The following PHACTR4 variants were observed in gnomAD, a reference collection of about 807,000 sequenced individuals.
PHACTR4 encodes the protein phosphatase and actin regulator 4.
PHACTR4 carries 51 observed loss-of-function variants against 72.7 expected under a neutral mutation model. The ratio of observed to expected loss-of-function variants is 0.70; its 90% confidence interval spans 0.56 to 0.89. The LOEUF (loss-of-function observed/expected upper bound fraction) is 0.89, where lower values mean the gene tolerates loss of function less well. PHACTR4 is among the 40% of genes least tolerant of loss of function. PHACTR4 has a pLI of 0.00. For synonymous variants in PHACTR4, 255 were observed against 302.5 expected (o/e 0.84, Z 1.63); for missense variants, 731 against 861.8 (o/e 0.85, Z 1.90).
At chr1:28,472,728 T>C (rs35453921) in intron 6 of PHACTR4, among the ~76,000 whole-genome samples, 91,938 of 150,758 alleles carry the variant, frequency 0.61, 29,586 homozygotes, top group African/African-American at 0.78. Context: ...CAGCCTCTCC[T>C]GAGTAGCTGG....
At chr1:28,488,273 G>A (rs1316022456) in intron 9 of PHACTR4, among the ~76,000 whole-genome samples, 1 of 151,796 alleles carries the variant, frequency 6.6e-6, no homozygotes, top group South Asian at 2.1e-4. Flanking sequence ...CGAGGCAGGC[G>A]GATCACAAGG....
At chr1:28,422,273 G>C (rs1483560928) in intron 2 of PHACTR4, among the ~76,000 whole-genome samples, 3 of 151,960 alleles carry the variant, frequency 2.0e-5, no homozygotes, top group Non-Finnish European at 4.4e-5. Context: ...GAAAATGCTT[G>C]GGGAAAAAAT....
rs1035437028 is a variant in PHACTR4, at chr1:28,496,659, T to C, written c.*110T>C. ...CCAGCACAGCCAGAATTGCATCCTC[T>C]GGGATCTTCTGAGGTGGACAGCACT... is the stretch of plus-strand genomic sequence containing the variant. On this transcript the variant is annotated 3_prime_UTR_variant, in exon 14 of 14. Coordinates refer to ENST00000373839, the MANE Select transcript of PHACTR4 (RefSeq NM_001048183.3). 1 of 1,270,008 alleles carries C rather than the reference T, an allele frequency of 7.9e-7. No individual in the cohort carries two copies. Among genetic ancestry groups the C allele is most frequent in the Non-Finnish European group, 1.1e-6 (1 of 876,786 alleles). 78.7% of individuals were successfully genotyped at this position (1,270,008 alleles called of 1,614,324 possible). A position where few individuals can be genotyped will look rare whatever the true frequency, so the allele number is the denominator to read the frequency against.
chr1:28,453,163 G>A (rs190795322), intron 2 of PHACTR4, among the ~76,000 whole-genome samples: 37 of 152,164 alleles, frequency 2.4e-4, no homozygotes, highest in Admixed American at 2.0e-3. Context: ...AAATTAACTA[G>A]CATATACTGT....
intron 1 of PHACTR4, among the ~76,000 whole-genome samples, chr1:28,402,271 A>T (rs529901791): frequency 6.8e-6 from 1 of 147,804 alleles, no homozygotes; most frequent in African/African-American, 2.4e-5. Context: ...CCTGGGGGGG[A>T]AAAAATTGGG....
At chr1:28,472,589 G>T (rs979528309) in intron 6 of PHACTR4, among the ~76,000 whole-genome samples, 3 of 150,122 alleles carry the variant, frequency 2.0e-5, no homozygotes, top group Non-Finnish European at 4.4e-5. Context: ...TTTTTTAATG[G>T]AGTACTGTTA....
At chr1:28,487,763 T>C (rs1178280453) in intron 9 of PHACTR4, among the ~76,000 whole-genome samples, 2 of 114,936 alleles carry the variant, frequency 1.7e-5, no homozygotes, top group Admixed American at 1.1e-4. Context: ...TGAGATGGAA[T>C]CTCACTCTGT....
chr1:28,374,326 C>T lies in PHACTR4; in HGVS notation c.-39+4501C>T, dbSNP rs543895923. 2.0e-5 allele frequency among the ~76,000 whole-genome samples: 3 copies of T among 152,294 alleles called. No individual in the cohort carries two copies. The South Asian group carries it at 6.2e-4, about 32-fold the overall frequency. Reference sequence around the variant, plus strand: ...AATTAAGATACTGTACTTTTTTAGTCAGACCATCGGGACTCAAGAGAATGC... The same window carrying T: ...AATTAAGATACTGTACTTTTTTAGTTAGACCATCGGGACTCAAGAGAATGC... On this transcript the variant is annotated intron_variant, in intron 1 of 13. Coordinates refer to ENST00000373839, the MANE Select transcript of PHACTR4 (RefSeq NM_001048183.3).
chr1:28,431,329 G>C (rs1287407032), intron 2 of PHACTR4, among the ~76,000 whole-genome samples: 1 of 150,458 alleles, frequency 6.6e-6, no homozygotes, highest in Non-Finnish European at 1.5e-5. Context: ...CAAGTAGCTG[G>C]GACTACAGGC....
At chr1:28,418,222 G>A (rs1655240772) in intron 2 of PHACTR4, among the ~76,000 whole-genome samples, 1 of 152,026 alleles carries the variant, frequency 6.6e-6, no homozygotes, top group African/African-American at 2.4e-5. Context: ...CAGCACATTG[G>A]GAAGCCAAGG....
At chr1:28,370,487 ATGTCTGTGCAGCTCACATCTG>A (rs1408938094) in intron 1 of PHACTR4, among the ~76,000 whole-genome samples, 5 of 152,040 alleles carry the variant, frequency 3.3e-5, no homozygotes, top group Non-Finnish European at 7.4e-5. Flanking sequence ...ATTTGCTGCG[ATGTCTGTGCAGCTCACATCTG>A]TGATCGGTGG....
In PHACTR4 at chr1:28,458,388, T is replaced by A. The variant is rs1658560909; in HGVS notation, c.17-697T>A. On this transcript the variant is annotated intron_variant, in intron 2 of 13. Coordinates refer to ENST00000373839, the MANE Select transcript of PHACTR4 (RefSeq NM_001048183.3). The stretch of plus-strand genomic sequence containing the variant: ...ATCTCAAGCTCCTGAGCTTAAGCGA[T>A]CTGCCTGCCTCAGCCTCCCACAGTG... Among the ~76,000 whole-genome samples the A allele has an allele frequency of 2.6e-5, 4 of 152,216 alleles. No individual in the cohort carries two copies. In the South Asian group the frequency reaches 8.3e-4, roughly 32 times the overall value.
intron 9 of PHACTR4, among the ~76,000 whole-genome samples, chr1:28,483,341 C>T (rs1477337633): frequency 6.6e-6 from 1 of 151,776 alleles, no homozygotes; most frequent in Admixed American, 6.6e-5. Context: ...AAGGTCGGCC[C>T]AGGAGGTCAA....
intron 1 of PHACTR4, among the ~76,000 whole-genome samples, chr1:28,379,905 C>A (rs765485130): frequency 1.3e-5 from 2 of 151,490 alleles, no homozygotes; most frequent in Admixed American, 6.6e-5. Flanking sequence ...TTCTTATATT[C>A]CATAATTGTA....
intron 2 of PHACTR4, among the ~76,000 whole-genome samples, chr1:28,440,184 C>T (rs917344425): frequency 2.0e-5 from 3 of 150,702 alleles, no homozygotes; most frequent in Admixed American, 2.0e-4. Context: ...CGCCTGTAGC[C>T]CCAGCTACTC....
chr1:28,488,695 GA>G (rs919367867), intron 9 of PHACTR4, among the ~76,000 whole-genome samples: 30 of 148,962 alleles, frequency 2.0e-4, no homozygotes, highest in African/African-American at 4.2e-4. Context: ...GAAGTTTTGT[GA>G]AAAAAAAAAT....
At chr1:28,395,638 C>CTTTT (rs67388349) in intron 1 of PHACTR4, among the ~76,000 whole-genome samples, 1 of 112,460 alleles carries the variant, frequency 8.9e-6, no homozygotes, top group Non-Finnish European at 1.8e-5. Flanking sequence ...TTAAGCATAA[C>CTTTT]TTTTTTTTTT....
chr1:28,440,227 G>A (rs1421127927), intron 2 of PHACTR4, among the ~76,000 whole-genome samples: 5 of 148,294 alleles, frequency 3.4e-5, no homozygotes, highest in Non-Finnish European at 7.5e-5. Flanking sequence ...GCGTGAACCC[G>A]GGAGGCGGAG....
intron 2 of PHACTR4, among the ~76,000 whole-genome samples, chr1:28,434,324 CT>C (rs67495104): frequency 0.39 from 55,230 of 143,176 alleles, 11,667 homozygotes; most frequent in African/African-American, 0.6. Context: ...AGAATCCTTT[CT>C]TTTTTTTTTT....
Sources: gnomAD v4.1 joint callset for allele counts (sites outside exome capture counted in the v4.1 genomes callset) on GRCh38, gnomAD v4.1.1 for gene constraint, MANE v1.5 for transcripts, NCBI Gene and HGNC (gene_info 2026-07-23, HGNC 2026-07-21) for gene names.